PHLPP1: variants seen among roughly 807,000 people sequenced by gnomAD.
The protein encoded by PHLPP1 is PH domain leucine-rich repeat-containing protein phosphatase 1.
A neutral mutation model predicts 117.2 loss-of-function variants in PHLPP1; 42 were observed. The ratio of observed to expected loss-of-function variants is 0.36; its 90% CI spans 0.28 to 0.46. PHLPP1 has a LOEUF of 0.46. Ranked by LOEUF, PHLPP1 falls within the 20% of genes least tolerant of loss-of-function variation. The pLI is 1.00. For synonymous variants in PHLPP1, 1,042 were observed against 970.7 expected (o/e 1.07, Z -1.37); for missense variants, 2,084 against 2,241.9 (o/e 0.93, Z 1.42).
At chr18:62,916,628 G>GTGTCCA (rs1317684569) in intron 9 of PHLPP1, among the ~76,000 whole-genome samples, 1 of 150,984 alleles carries the variant, frequency 6.6e-6, no homozygotes, top group African/African-American at 2.4e-5. Context: ...GTGTGTGTGT[G>GTGTCCA]TGTCCATGCA....
intron 12 of PHLPP1, among the ~76,000 whole-genome samples, chr18:62,954,410 T>A (rs908978568): frequency 4.6e-5 from 7 of 152,250 alleles, no homozygotes; most frequent in African/African-American, 1.7e-4. Flanking sequence ...GGTCTTTTTT[T>A]ATTCCAGTTT....
chr18:62,825,382 TTATATATTATATAAA>T (rs1326374570), intron 1 of PHLPP1: 10 of 147,632 alleles, frequency 6.8e-5, no homozygotes, highest in Admixed American at 2.0e-4. Context: ...ATCAACCAAA[TTATATATTATATAAA>T]TATATATTAT....
rs1363996637 is a variant in PHLPP1 at position 62,978,781 on chromosome 18, G to A, written c.4504G>A (p.Ala1502Thr). 1.9e-6 allele frequency: 3 copies of A among 1,612,688 alleles called. No homozygotes were observed. The South Asian group carries it at 3.3e-5, about 18-fold the overall frequency. ...AGCCTCCGATGAGCCCCCGCCCGGA[G>A]CCCTAAGCGAGAACAGCCCTGCCTA... ...STASDEPPPG[A>T]LSENSPAYPS... is the part of the protein sequence containing the mutation. The change falls in exon 17 of 17, where the codon GCC (alanine) becomes ACC (threonine). Residue 1502 changes from alanine (A) to threonine (T), a missense_variant. By Grantham distance (58) the Ala-to-Thr change is moderately conservative. Around this residue, in one of 2 missense-constraint regions of PHLPP1, gnomAD observed 1,365 missense variants for 1,605.9 expected, o/e 0.85. Coordinates refer to ENST00000262719, the MANE Select transcript of PHLPP1 (RefSeq NM_194449.4). The surrounding 1 kb of genome is among the most constrained non-coding windows in gnomAD (Gnocchi z 7.0).
chr18:62,749,163 A>G (rs916025772), intron 1 of PHLPP1, among the ~76,000 whole-genome samples: 32 of 150,960 alleles, frequency 2.1e-4, no homozygotes, highest in South Asian at 1.5e-3. Flanking sequence ...CATAATTATT[A>G]TTATTTGGTC....
chr18:62,904,789 G>A (rs1415259386), intron 7 of PHLPP1, among the ~76,000 whole-genome samples: 1 of 152,234 alleles, frequency 6.6e-6, no homozygotes, highest in East Asian at 1.9e-4. Context: ...AAGTGTTCAG[G>A]AAGTGTTTCA....
At chr18:62,942,055 T>C in intron 11 of PHLPP1, 137 bp downstream of exon 11, 2 of 645,646 alleles carry the variant, frequency 3.1e-6, no homozygotes, top group Non-Finnish European at 5.3e-6. Flanking sequence ...CAGTTTCCTT[T>C]ATGTAAGCTA....
At chr18:62,807,233 T>C (rs1184422598) in intron 1 of PHLPP1, among the ~76,000 whole-genome samples, 1 of 152,198 alleles carries the variant, frequency 6.6e-6, no homozygotes, top group Non-Finnish European at 1.5e-5. Flanking sequence ...GAGAGAGTGA[T>C]GGTGAATTCA....
chr18:62,920,513 C>G (rs750942863), intron 10 of PHLPP1, among the ~76,000 whole-genome samples: 17 of 152,104 alleles, frequency 1.1e-4, no homozygotes, highest in Non-Finnish European at 2.4e-4. Context: ...GATGAATTGT[C>G]CCAGAGTTAG....
At chr18:62,945,305 A>C in intron 12 of PHLPP1, 34 bp downstream of exon 12, 1 of 1,527,026 alleles carries the variant, frequency 6.5e-7, no homozygotes, top group Non-Finnish European at 8.8e-7. Flanking sequence ...TCTAAGCTTC[A>C]GGTCGGCAAA....
intron 1 of PHLPP1, among the ~76,000 whole-genome samples, chr18:62,742,168 C>T (rs1386737045): frequency 1.3e-5 from 2 of 152,092 alleles, no homozygotes; most frequent in African/African-American, 2.4e-5. Flanking sequence ...CATTTCCTAA[C>T]TTTTTATCTT....
At chr18:62,924,561 C>T (rs977568391) in intron 10 of PHLPP1, among the ~76,000 whole-genome samples, 3 of 150,802 alleles carry the variant, frequency 2.0e-5, no homozygotes, top group Non-Finnish European at 4.4e-5. Flanking sequence ...GGGCCAGACA[C>T]AGTGGCTGAC....
intron 10 of PHLPP1, among the ~76,000 whole-genome samples, chr18:62,925,896 C>G (rs1272485332): frequency 6.6e-6 from 1 of 152,182 alleles, no homozygotes; most frequent in Non-Finnish European, 1.5e-5. Flanking sequence ...AAGGCTCCCC[C>G]AGTGACTCCA....
intron 10 of PHLPP1, among the ~76,000 whole-genome samples, chr18:62,939,858 A>T (rs1316415278): frequency 6.6e-6 from 1 of 152,092 alleles, no homozygotes; most frequent in African/African-American, 2.4e-5. Flanking sequence ...AAGATTAAAA[A>T]TAACTGCCTG....
intron 1 of PHLPP1, among the ~76,000 whole-genome samples, chr18:62,821,622 T>C (rs577055350): frequency 1.9e-4 from 29 of 149,028 alleles, no homozygotes; most frequent in African/African-American, 7.1e-4. Flanking sequence ...TTTAAGAAGC[T>C]TAATAAAATT....
At chr18:62,815,299 A>G (rs951106021) in intron 1 of PHLPP1, among the ~76,000 whole-genome samples, 2 of 151,776 alleles carry the variant, frequency 1.3e-5, no homozygotes, top group Non-Finnish European at 2.9e-5. Flanking sequence ...CTGGGACTAC[A>G]GGCGCCCGCC....
Position 62,905,253 on chromosome 18 carries a change from C to A in PHLPP1, c.2677C>A (p.Pro893Thr), listed in dbSNP as rs773971880. Residue 893 changes from proline to threonine, a missense_variant, in exon 8 of 17, where the codon CCA becomes ACA. By Grantham distance (38) the Pro-to-Thr change is conservative (BLOSUM62 -1). Coordinates refer to ENST00000262719, the MANE Select transcript of PHLPP1 (RefSeq NM_194449.4). ...TGTTCAACTTGATGTTTACCCAGTTCCAAATTATCTGTCCTACATGGATGT... is the reference window on the plus strand; with the variant it reads ...TGTTCAACTTGATGTTTACCCAGTTACAAATTATCTGTCCTACATGGATGT... ...ELVQLDVYPV[P>T]NYLSYMDVSR... 6.5e-7 allele frequency: 1 copy of A among 1,545,324 alleles called. No individual in the cohort carries two copies. Among genetic ancestry groups the A allele is most frequent in the Non-Finnish European group, 8.7e-7 (1 of 1,146,958 alleles).
chr18:62,849,649 CAAA>C (rs34653454), intron 3 of PHLPP1, among the ~76,000 whole-genome samples: 3 of 82,802 alleles, frequency 3.6e-5, no homozygotes, highest in Non-Finnish European at 2.4e-5. Context: ...GATTCTGTCT[CAAA>C]AAAAAAAAAA....
chr18:62,750,520 T>TTA (rs1416943477), intron 1 of PHLPP1, among the ~76,000 whole-genome samples: 18 of 152,208 alleles, frequency 1.2e-4, no homozygotes, highest in Admixed American at 9.2e-4. Flanking sequence ...AACCCCGCAC[T>TTA]TATATTTTTA....
intron 10 of PHLPP1, among the ~76,000 whole-genome samples, chr18:62,921,258 T>C (rs1314861845): frequency 6.6e-6 from 1 of 152,252 alleles, no homozygotes; most frequent in African/African-American, 2.4e-5. Context: ...ACTTTTAGTG[T>C]ATCTCATAAT....
Sources: gnomAD v4.1 joint callset for allele counts (sites outside exome capture counted in the v4.1 genomes callset) on GRCh38, gnomAD v4.1.1 for gene constraint, gnomAD v4.1.1 regional missense constraint, Gnocchi (gnomAD v3.1) non-coding constraint, MANE v1.5 for transcripts, NCBI Gene and HGNC (gene_info 2026-07-23, HGNC 2026-07-21) for gene names.